GCFC2: variants seen among roughly 807,000 people sequenced by gnomAD.
The protein encoded by GCFC2 is intron Large complex component GCFC2.
A neutral mutation model predicts 99.4 loss-of-function variants in GCFC2; 102 were observed. The observed-to-expected ratio is 1.03, with a 90% CI of 0.87 to 1.21. The LOEUF is 1.21. Ranked by LOEUF, GCFC2 falls within the 50% of genes most tolerant of loss-of-function variation. The pLI is 0.00. For synonymous variants in GCFC2, 338 were observed against 316.8 expected (o/e 1.07, Z -0.71); for missense variants, 973 against 920.9 (o/e 1.06, Z -0.73).
At chr2:75,673,174 G>T (rs1422598421) in intron 13 of GCFC2, among the ~76,000 whole-genome samples, 3 of 152,290 alleles carry the variant, frequency 2.0e-5, no homozygotes, top group South Asian at 2.1e-4. Flanking sequence ...GCCGGGCGTG[G>T]TGGCGGGCGC....
chr2:75,668,643 T>C (rs1678956348), intron 15 of GCFC2, among the ~76,000 whole-genome samples: 1 of 152,226 alleles, frequency 6.6e-6, no homozygotes, highest in Admixed American at 6.5e-5. Context: ...CTGAGATTTA[T>C]TTTCCTTTCA....
intron 11 of GCFC2, among the ~76,000 whole-genome samples, chr2:75,680,909 C>T (rs1193047881): frequency 3.9e-5 from 6 of 152,192 alleles, no homozygotes; most frequent in Non-Finnish European, 5.9e-5. Context: ...TATGCTCTAA[C>T]TTGTCTCCTA....
chr2:75,701,104 T>C, intron 4 of GCFC2, 86 bp downstream of exon 4: 1 of 766,994 alleles, frequency 1.3e-6, no homozygotes, highest in Non-Finnish European at 2.3e-6. Context: ...AGAGAATAAA[T>C]GTGTGTTCTT....
intron 4 of GCFC2, among the ~76,000 whole-genome samples, chr2:75,700,019 G>A (rs1028965368): frequency 3.4e-4 from 52 of 151,590 alleles, no homozygotes; most frequent in Admixed American, 3.4e-3. Flanking sequence ...TCCCACTTCA[G>A]CCCCCCAAGC....
rs1328134130 is a variant in GCFC2, at chr2:75,687,970, G to T, written c.1547C>A (p.Ser516Tyr). ...CCATGGCATCTCTTTTAAACCTGTG[G>T]ATTCCAACTTACAAAGAAAATTACA... ...LIDWNPLKLE[S>Y]TGLKEMPWFK... The change falls in exon 11 of 17, where the codon TCC becomes TAC. Residue 516 changes from serine to tyrosine, a missense_variant. Physicochemically the swap from Ser to Tyr is moderately radical, Grantham distance 144. Coordinates refer to ENST00000321027, the MANE Select transcript of GCFC2 (RefSeq NM_003203.5). The T allele has an allele frequency of 1.9e-6, 3 of 1,553,182 alleles. No homozygotes were observed. The highest frequency in any genetic ancestry group is 2.3e-5 in the East Asian group (1 of 44,068).
chr2:75,676,976 G>T lies in GCFC2; in HGVS notation c.1812+3217C>A, dbSNP rs73936782. On this transcript the variant is annotated intron_variant, in intron 12 of 16. Coordinates refer to ENST00000321027, the MANE Select transcript of GCFC2 (RefSeq NM_003203.5). ...ATATTGAACAGGGCAAAGCTGAGAA[G>T]ATATCTAATACTAACAGACTCCCCA... 6.9e-3 allele frequency among the ~76,000 whole-genome samples: 1,053 copies of T among 152,266 alleles called. 8 individuals carry two copies. The highest frequency in any genetic ancestry group is 0.024 in the African/African-American group (1,006 of 41,538).
chr2:75,710,937 C>A, upstream of GCFC2: 1 of 1,375,430 alleles, frequency 7.3e-7, no homozygotes, highest in Non-Finnish European at 9.3e-7. Flanking sequence ...AGGGCGCGCT[C>A]CCGCCGCGCC....
chr2:75,692,618 G>A (rs1464391505), intron 6 of GCFC2, among the ~76,000 whole-genome samples: 3 of 151,428 alleles, frequency 2.0e-5, no homozygotes, highest in African/African-American at 7.3e-5. Context: ...CTGCACTCCA[G>A]CCTGGGCAAC....
intron 1 of GCFC2, 47 bp from the exon 2 acceptor site, chr2:75,706,698 G>C: frequency 3.0e-6 from 4 of 1,328,824 alleles, no homozygotes; most frequent in Non-Finnish European, 4.3e-6. Flanking sequence ...CAAAATAATG[G>C]AATTATTAAT....
At chr2:75,678,921 T>C (rs1021786377) in intron 12 of GCFC2, among the ~76,000 whole-genome samples, 3 of 152,154 alleles carry the variant, frequency 2.0e-5, no homozygotes, top group African/African-American at 7.2e-5. Flanking sequence ...TCTTGAACTC[T>C]TGGCCTGAAG....
chr2:75,685,102 TA>T (rs1377393319), intron 11 of GCFC2, among the ~76,000 whole-genome samples: 4 of 152,128 alleles, frequency 2.6e-5, no homozygotes, highest in African/African-American at 9.7e-5. Context: ...GAGAAATACC[TA>T]ATGTAGATGA....
Position 75,665,953 on chromosome 2 carries a change from T to C in GCFC2, c.2204A>G (p.His735Arg). 6.9e-6 allele frequency: 11 copies of C among 1,594,362 alleles called. No homozygotes were observed. The highest frequency in any genetic ancestry group is 9.4e-6 in the Non-Finnish European group (11 of 1,164,592). Residue 735 changes from histidine to arginine, a missense_variant, in exon 16 of 17, where the codon CAT becomes CGT. By Grantham distance (29) the His-to-Arg change is conservative. Coordinates refer to ENST00000321027, the MANE Select transcript of GCFC2 (RefSeq NM_003203.5). ...CCTGAATTCACTTCTAGATAATTTA[T>C]GTGCAGACTGCAATAAAAACTGAAT... Reference protein sequence around the residue: ...NFIQFLLQSAHKLSRSEFRDE... With the variant: ...NFIQFLLQSARKLSRSEFRDE...
chr2:75,685,270 CCTAT>C (rs942051699), intron 11 of GCFC2, among the ~76,000 whole-genome samples: 1 of 152,184 alleles, frequency 6.6e-6, no homozygotes, highest in African/African-American at 2.4e-5. Flanking sequence ...CCATTTCCCT[CCTAT>C]CTTTTACAAC....
intron 9 of GCFC2, among the ~76,000 whole-genome samples, chr2:75,689,604 T>C (rs1406490773): frequency 6.6e-6 from 1 of 152,090 alleles, no homozygotes; most frequent in Non-Finnish European, 1.5e-5. Context: ...GAGCCTAGAA[T>C]TTTTCAACTA....
chr2:75,687,163 T>G (rs956761860), intron 11 of GCFC2, among the ~76,000 whole-genome samples: 7 of 152,178 alleles, frequency 4.6e-5, no homozygotes, highest in Non-Finnish European at 1.0e-4. Context: ...CTTGAACTCC[T>G]GACCTCAGGT....
At chr2:75,709,010 T>C (rs1680994499) in intron 1 of GCFC2, among the ~76,000 whole-genome samples, 1 of 152,268 alleles carries the variant, frequency 6.6e-6, no homozygotes, top group African/African-American at 2.4e-5. Context: ...ACAATTCATC[T>C]GTCTTCTATT....
chr2:75,706,177 C>T (rs951968463), intron 2 of GCFC2, among the ~76,000 whole-genome samples: 2 of 152,178 alleles, frequency 1.3e-5, no homozygotes, highest in East Asian at 1.9e-4. Flanking sequence ...ATATTACATA[C>T]CTTCCCTAGA....
chr2:75,696,342 A>G, intron 4 of GCFC2, 27 bp from the exon 5 acceptor site: 1 of 948,054 alleles, frequency 1.1e-6, no homozygotes, highest in Non-Finnish European at 1.7e-6. Context: ...AGATTTTTAC[A>G]AAACCATTTA....
chr2:75,666,697 G>GA (rs1275765589), intron 15 of GCFC2, among the ~76,000 whole-genome samples: 18 of 138,428 alleles, frequency 1.3e-4, no homozygotes, highest in Admixed American at 8.7e-4. Flanking sequence ...AAAAATGTTA[G>GA]AAAAAATTTA....
Sources: allele counts gnomAD v4.1 joint callset (sites outside exome capture counted in the v4.1 genomes callset), GRCh38; gene constraint gnomAD v4.1.1; transcripts MANE v1.5; gene names NCBI Gene and HGNC (gene_info 2026-07-23, HGNC 2026-07-21).